WDR81: variants seen among roughly 807,000 people sequenced by gnomAD.
WDR81 encodes the protein WD repeat-containing protein 81.
A neutral mutation model predicts 140.8 loss-of-function variants in WDR81; 92 were observed. The observed-to-expected ratio is 0.65, with a 90% CI of 0.55 to 0.78. The LOEUF (loss-of-function observed/expected upper bound fraction) is 0.78, where lower values mean the gene tolerates loss of function less well. Ranked by LOEUF, WDR81 falls within the 30% of genes least tolerant of loss-of-function variation. The pLI is 0.00. For synonymous variants in WDR81, 1,183 were observed against 1,156.4 expected (o/e 1.02, Z -0.47); for missense variants, 2,502 against 2,636.4 (o/e 0.95, Z 1.12).
rs1309249565 is a variant in WDR81, at chr17:1,724,763, C to T, written c.-197C>T. 1.7e-6 allele frequency: 2 copies of T among 1,145,224 alleles called. No homozygotes were observed. The highest frequency in any genetic ancestry group is 3.3e-5 in the African/African-American group (2 of 61,434). The allele number at this position is 1,145,224 out of a possible 1,614,324, so 70.9% of individuals were successfully genotyped here. On this transcript the variant is annotated 5_prime_UTR_variant, in exon 1 of 10. Coordinates refer to ENST00000409644, the MANE Select transcript of WDR81 (RefSeq NM_001163809.2). ...CCCGGCAGCCTCTGCCCCGCCGCGC[C>T]CGGAGCGCAGGACCCGCGGAGGGGT...
In WDR81 at chr17:1,718,242, T is replaced by A. The variant is rs149291188; in HGVS notation, c.-124+1609T>A. 5.6e-4 allele frequency among the ~76,000 whole-genome samples: 85 copies of A among 152,200 alleles called. 1 individual carries two copies. The East Asian group carries it at 0.014, about 26-fold the overall frequency. Reference sequence around the variant, plus strand: ...AAGCGATTCTCCTCCTTCAGCCTCCTGAGTAGCTGGGATTACAGGCGTGCG... The same window carrying A: ...AAGCGATTCTCCTCCTTCAGCCTCCAGAGTAGCTGGGATTACAGGCGTGCG... On this transcript the variant is annotated intron_variant, in intron 1 of 10. Coordinates refer to the WDR81 transcript ENST00000309182.
intron 1 of WDR81, chr17:1,716,682 C>T (rs1266796087): frequency 6.5e-7 from 1 of 1,544,464 alleles, no homozygotes; most frequent in Non-Finnish European, 8.8e-7. Context: ...CGGGGAAGTC[C>T]TTAAAGGGCG....
At chr17:1,724,599 G>C (rs868273131), upstream of WDR81, 3 of 996,460 alleles carry the variant, frequency 3.0e-6, no homozygotes, top group East Asian at 2.1e-4. Context: ...GCGGAGCAGC[G>C]GGAGGGAGGG....
chr17:1,721,605 T>G (rs1914870753), upstream of WDR81, among the ~76,000 whole-genome samples: 1 of 151,684 alleles, frequency 6.6e-6, no homozygotes, highest in South Asian at 2.1e-4. Context: ...GCCGATTGCT[T>G]GAGCCCAGGA....
intron 9 of WDR81, among the ~76,000 whole-genome samples, chr17:1,736,455 G>A (rs754415006): frequency 3.3e-5 from 5 of 152,204 alleles, no homozygotes; most frequent in Non-Finnish European, 5.9e-5. Context: ...GCAGTGGGGC[G>A]GGAGCTATGG....
chr17:1,719,556 GA>G (rs546011340), intron 1 of WDR81, among the ~76,000 whole-genome samples: 6,447 of 129,192 alleles, frequency 0.05, 181 homozygotes, highest in African/African-American at 0.1. Context: ...CTCAAAAAAA[GA>G]AAAAAAAAAA....
Position 1,728,319 on chromosome 17 carries a change from T to G in WDR81, c.3360T>G (p.Gly1120=). 3 of 1,612,240 alleles carry G rather than the reference T, an allele frequency of 1.9e-6. No homozygotes were observed. The highest frequency in any genetic ancestry group is 3.3e-4 in the Middle Eastern group (2 of 6,060). ...DKSSTSETSL[G]EERAPDEGGA... is the part of the protein sequence containing the mutation. ...GCAGCACCAGCGAGACCTCCCTGGG[T>G]GAGGAGCGGGCTCCAGACGAGGGGG... is the stretch of plus-strand genomic sequence containing the variant. The change falls in exon 1 of 10, where the codon GGT becomes GGG. Residue 1120 remains glycine, a synonymous_variant. Coordinates refer to ENST00000409644, the MANE Select transcript of WDR81 (RefSeq NM_001163809.2).
rs1915455784 is a variant in WDR81, at chr17:1,728,473, C to T, written c.3514C>T (p.Gln1172Ter). 6.2e-7 allele frequency: 1 copy of T among 1,607,732 alleles called. No individual in the cohort carries two copies. The highest frequency in any genetic ancestry group is 8.5e-7 in the Non-Finnish European group (1 of 1,176,574). ...GGTGCTAGAGGAGGAGGAGGGGGAG[C>T]AGGAGGAGGTCACCGGGGCATCTGA... is the stretch of plus-strand genomic sequence containing the variant. ...CVVLEEEEGE[Q>*]EEVTGASELT... is the part of the protein sequence containing the mutation. The change falls in exon 1 of 10, where the codon CAG (glutamine) becomes TAG (stop). Residue 1172 changes from glutamine (Q) to a stop codon, truncating the protein, a stop_gained. Transcript: ENST00000409644. LOFTEE classifies it high-confidence loss of function.
upstream of WDR81, among the ~76,000 whole-genome samples, chr17:1,723,329 C>A (rs1346242658): frequency 1.3e-5 from 2 of 152,046 alleles, no homozygotes; most frequent in Non-Finnish European, 2.9e-5. Flanking sequence ...ATTTCTTCCC[C>A]CAAAACACCA....
At position 1,737,405 on chromosome 17, in the gene WDR81, AT is replaced by A; in HGVS notation, c.5548del (p.Ser1850ProfsTer2). ...GSVLVSSSSDHSLTVWKELEQ... is the reference protein window; with the variant it reads ...GSVLVSSSSDXSLTVWKELEQ... Reference sequence around the variant, plus strand: ...GTCCTGGTCAGCTCCTCCTCTGACCATTCCTTGACCGTCTGGAAGGAGCTGG... The same window carrying A: ...GTCCTGGTCAGCTCCTCCTCTGACCATCCTTGACCGTCTGGAAGGAGCTGG... On this transcript the variant is annotated frameshift_variant, in exon 10 of 10. Coordinates refer to ENST00000409644, the MANE Select transcript of WDR81 (RefSeq NM_001163809.2). LOFTEE classifies it high-confidence loss of function. 1.2e-6 allele frequency: 2 copies of A among 1,612,788 alleles called. No individual in the cohort carries two copies. The highest frequency in any genetic ancestry group is 2.2e-5 in the South Asian group (2 of 91,064).
chr17:1,722,063 C>T (rs557127218), upstream of WDR81, among the ~76,000 whole-genome samples: 21 of 151,880 alleles, frequency 1.4e-4, no homozygotes, highest in Middle Eastern at 6.8e-3. Context: ...GCGGAGATTG[C>T]GGTGAGCTGA....
rs1470681435 is a variant in WDR81 at position 1,727,792 on chromosome 17, CTGTT to C, written c.2836_2839del (p.Phe946SerfsTer17). 19 of 1,550,566 alleles carry C rather than the reference CTGTT, an allele frequency of 1.2e-5. No individual in the cohort carries two copies. Among genetic ancestry groups the C allele is most frequent in the Non-Finnish European group, 1.5e-5 (17 of 1,147,018 alleles). On this transcript the variant is annotated frameshift_variant, in exon 1 of 10. Transcript: ENST00000409644. LOFTEE classifies it high-confidence loss of function. ...CACAGCTGTGTACACGGCCTGGTAT[CTGTT>C]TGAGCCTGTTGCCAAGGCACTGGGC...
chr17:1,723,448 T>C (rs1914991904), upstream of WDR81, among the ~76,000 whole-genome samples: 4 of 121,932 alleles, frequency 3.3e-5, no homozygotes, highest in Admixed American at 2.5e-4. Context: ...TTTATTTTTA[T>C]TTATTTATTT....
chr17:1,721,962 A>G (rs1914887807), upstream of WDR81, among the ~76,000 whole-genome samples: 1 of 152,078 alleles, frequency 6.6e-6, no homozygotes, highest in African/African-American at 2.4e-5. Context: ...TGTCTCTACT[A>G]AAATACAAAA....
chr17:1,727,050 C>T lies in WDR81; in HGVS notation c.2091C>T (p.Ala697=). ...TTCTCTCTTTCTCAGTGGCCTCAGC[C>T]TCCCGTCCAGGCCGCAGGAATAAAG... ...PGLLSFSVAS[A]SRPGRRNKAA... is the part of the protein sequence containing the mutation. Residue 697 remains alanine, a synonymous_variant, in exon 1 of 10, where the codon GCC becomes GCT. Transcript: ENST00000409644. The T allele has an allele frequency of 6.5e-7, 1 of 1,550,356 alleles. No homozygotes were observed. The highest frequency in any genetic ancestry group is 1.2e-5 in the South Asian group (1 of 84,064).
chr17:1,722,890 TC>T (rs1914950173), upstream of WDR81, among the ~76,000 whole-genome samples: 1 of 151,732 alleles, frequency 6.6e-6, no homozygotes, highest in East Asian at 1.9e-4. Context: ...AGATGGAGTT[TC>T]CCCAAGTTGG....
At chr17:1,724,463 C>T, upstream of WDR81, 10 of 984,498 alleles carry the variant, frequency 1.0e-5, no homozygotes, top group Non-Finnish European at 1.2e-5. Context: ...GGGACCCGCG[C>T]GCTGGTGCGT....
rs779039593 is a variant in WDR81 at position 1,736,098 on chromosome 17, C to T, written c.5385C>T (p.Ser1795=). The T allele has an allele frequency of 1.5e-5, 24 of 1,602,468 alleles. No individual in the cohort carries two copies. The South Asian group carries it at 2.2e-4, about 15-fold the overall frequency. ...GGCTTGTCCGTGCCCTGGCCATCAG[C>T]CCCAGTGGCCGTAGTGTCGTGGCCG... ...NPGLVRALAI[S]PSGRSVVAGF... is the part of the protein sequence containing the mutation. Residue 1795 remains serine (S), a synonymous_variant, in exon 9 of 10, where the codon AGC becomes AGT. Transcript: ENST00000409644.
At chr17:1,733,091 G>T (rs535036963) in intron 6 of WDR81, 6 of 503,148 alleles carry the variant, frequency 1.2e-5, no homozygotes, top group Admixed American at 1.1e-4. Flanking sequence ...GTGGACTGGC[G>T]GTCCGCAGGA....
Sources: allele counts gnomAD v4.1 joint callset (sites outside exome capture counted in the v4.1 genomes callset), GRCh38; gene constraint gnomAD v4.1.1; transcripts MANE v1.5; gene names NCBI Gene and HGNC (gene_info 2026-07-23, HGNC 2026-07-21).